The following CAST variants were observed in gnomAD, a reference collection of about 807,000 sequenced individuals.
CAST encodes the protein calpastatin.
CAST carries 76 observed loss-of-function variants against 119.6 expected under a neutral mutation model. The ratio of observed to expected loss-of-function variants is 0.64; its 90% CI spans 0.53 to 0.77. The LOEUF (loss-of-function observed/expected upper bound fraction) is 0.77. CAST is among the 30% of genes least tolerant of loss of function. The probability of loss-of-function intolerance (pLI) is 0.00; values close to 1 mark genes in which losing one functional copy is unlikely to be tolerated. For synonymous variants in CAST, 319 were observed against 331.6 expected, an observed-to-expected ratio of 0.96 and a Z score of 0.41; for missense variants, 953 against 946.5, an observed-to-expected ratio of 1.01 and a Z score of -0.09.
chr5:96,186,490 T>G, the CAST span, among the ~76,000 whole-genome samples: 2 of 152,200 alleles, frequency 1.3e-5, no homozygotes, highest in Non-Finnish European at 2.9e-5. Context: ...GGGTTTGTCG[T>G]ATATGACTCT....
chr5:96,079,036 G>T, the CAST span: 5 of 431,626 alleles, frequency 1.2e-5, no homozygotes, highest in South Asian at 8.8e-5. Flanking sequence ...AAAACCCCAT[G>T]ATACAAGTTT....
chr5:96,367,087 G>A, the CAST span, among the ~76,000 whole-genome samples: 1 of 152,174 alleles, frequency 6.6e-6, no homozygotes, highest in Admixed American at 6.5e-5. Context: ...GTTTGCTTGA[G>A]GTCTGCTCCA....
chr5:95,990,328 A>G, the CAST span, among the ~76,000 whole-genome samples: 1 of 152,006 alleles, frequency 6.6e-6, no homozygotes, highest in Non-Finnish European at 1.5e-5. Context: ...TCAATAGGAG[A>G]TATAGGGAGT....
intron 1 of CAST, among the ~76,000 whole-genome samples, chr5:96,619,926 G>A (rs760462456): frequency 3.0e-4 from 46 of 152,210 alleles, no homozygotes; most frequent in Non-Finnish European, 6.2e-4. Flanking sequence ...ACCATGTGAC[G>A]TTGGGCAAGA....
chr5:96,226,090 A>C, the CAST span, among the ~76,000 whole-genome samples: 1 of 152,186 alleles, frequency 6.6e-6, no homozygotes, highest in African/African-American at 2.4e-5. Context: ...GAGATAAATA[A>C]AAATAGTGTC....
chr5:96,125,228 T>G, the CAST span, among the ~76,000 whole-genome samples: 1 of 152,150 alleles, frequency 6.6e-6, no homozygotes, highest in Non-Finnish European at 1.5e-5. Context: ...GGTTTTTGCT[T>G]AACATTTTAA....
intron 25 of CAST, chr5:96,762,840 T>A: frequency 3.0e-6 from 1 of 330,022 alleles, no homozygotes; most frequent in East Asian, 6.2e-5. Flanking sequence ...AGCATTGTTT[T>A]CTTCCCAATT....
chr5:96,032,896 G>C, the CAST span, among the ~76,000 whole-genome samples: 1 of 152,100 alleles, frequency 6.6e-6, no homozygotes, highest in African/African-American at 2.4e-5. Flanking sequence ...GTTCCTGTCT[G>C]CAGATGCCAT....
intron 1 of CAST, among the ~76,000 whole-genome samples, chr5:96,539,709 T>TAATA (rs1226417397): frequency 6.6e-6 from 1 of 152,160 alleles, no homozygotes; most frequent in Non-Finnish European, 1.5e-5. Context: ...CTTGTATCAA[T>TAATA]AATAAATAAA....
chr5:96,442,300 T>C, the CAST span, among the ~76,000 whole-genome samples: 2 of 152,384 alleles, frequency 1.3e-5, no homozygotes, highest in African/African-American at 2.4e-5. Flanking sequence ...GAGATTTGAA[T>C]GGACTAAATT....
chr5:96,313,109 T>G, the CAST span, among the ~76,000 whole-genome samples: 2 of 152,134 alleles, frequency 1.3e-5, no homozygotes, highest in Non-Finnish European at 2.9e-5. Flanking sequence ...GTGAAAATGG[T>G]CAAACCATAA....
At chr5:96,163,885 T>A in the CAST span, among the ~76,000 whole-genome samples, 1 of 152,208 alleles carries the variant, frequency 6.6e-6, no homozygotes, top group East Asian at 1.9e-4. Context: ...CACTGCCAAC[T>A]CTGTGGGTTT....
At chr5:96,462,943 G>C in the CAST span, among the ~76,000 whole-genome samples, 1 of 152,040 alleles carries the variant, frequency 6.6e-6, no homozygotes, top group African/African-American at 2.4e-5. Flanking sequence ...ATGATTGTAA[G>C]TTTCCTGAGG....
At chr5:96,428,019 CT>C in the CAST span, among the ~76,000 whole-genome samples, 1 of 151,722 alleles carries the variant, frequency 6.6e-6, no homozygotes, top group Admixed American at 6.6e-5. Context: ...TGTAGATGAG[CT>C]ATACGGTCAC....
intron 1 of CAST, among the ~76,000 whole-genome samples, chr5:96,537,532 A>G (rs1426640257): frequency 1.3e-5 from 2 of 150,032 alleles, no homozygotes; most frequent in African/African-American, 2.5e-5. Context: ...TTCAGTTACT[A>G]TACTTCTGTG....
chr5:95,977,330 T>C, the CAST span, among the ~76,000 whole-genome samples: 1 of 152,216 alleles, frequency 6.6e-6, no homozygotes, highest in South Asian at 2.1e-4. Flanking sequence ...CCTCAAGCCA[T>C]TTTGTAAGGT....
At chr5:96,100,043 T>C in the CAST span, among the ~76,000 whole-genome samples, 1 of 152,186 alleles carries the variant, frequency 6.6e-6, no homozygotes, top group African/African-American at 2.4e-5. Flanking sequence ...AGTTTCTTCC[T>C]TGTTCAGTGT....
intron 2 of CAST, among the ~76,000 whole-genome samples, chr5:96,688,474 T>C (rs12518441): frequency 0.055 from 8,303 of 152,116 alleles, 564 homozygotes; most frequent in East Asian, 0.21. Context: ...AACAACAAAC[T>C]AAGAAGGAAA....
chr5:96,598,121 C>T (rs141557023), intron 1 of CAST, among the ~76,000 whole-genome samples: 6 of 152,286 alleles, frequency 3.9e-5, no homozygotes, highest in African/African-American at 1.2e-4. Flanking sequence ...GATGAGAATT[C>T]GCTGGACTTG....
Sources: allele counts gnomAD v4.1 joint callset (sites outside exome capture counted in the v4.1 genomes callset), GRCh38; gene constraint gnomAD v4.1.1; transcripts MANE v1.5; gene names NCBI Gene and HGNC (gene_info 2026-07-23, HGNC 2026-07-21).